Variants in NTRK3 observed in about 807,000 individuals in gnomAD.
NTRK3 encodes neurotrophic receptor tyrosine kinase 3.
Under a neutral mutation model 91.7 loss-of-function variants are expected in NTRK3, and 24 were observed. The ratio of observed to expected loss-of-function variants is 0.26; its 90% CI spans 0.19 to 0.37. The LOEUF (loss-of-function observed/expected upper bound fraction) is 0.37, where lower values mean the gene tolerates loss of function less well. NTRK3 is among the 10% of genes least tolerant of loss of function. The probability of loss-of-function intolerance (pLI) is 1.00; values close to 1 mark genes in which losing one functional copy is unlikely to be tolerated. For synonymous variants in NTRK3, 483 were observed against 404.0 expected, an observed-to-expected ratio of 1.20 and a Z score of -2.34; for missense variants, 880 against 1,068.9, an observed-to-expected ratio of 0.82 and a Z score of 2.46.
intron 13 of NTRK3, among the ~76,000 whole-genome samples, chr15:88,037,566 G>A (rs1181192131): frequency 6.6e-6 from 1 of 151,172 alleles, no homozygotes; most frequent in Non-Finnish European, 1.5e-5. Context: ...CCTCTCAAAA[G>A]AAAGAAAGAA....
chr15:87,910,014 G>A (rs2066993884), intron 17 of NTRK3, among the ~76,000 whole-genome samples: 1 of 152,318 alleles, frequency 6.6e-6, no homozygotes. Context: ...AGGGCCTCAT[G>A]CAAAGGTGGA....
intron 16 of NTRK3, 61 bp from the exon 17 acceptor site, chr15:87,929,495 C>T (rs2141918356): frequency 3.1e-6 from 5 of 1,595,372 alleles, no homozygotes; most frequent in South Asian, 1.1e-5. Context: ...AGGAGAAAGG[C>T]CTTCCTGGGT....
Position 88,240,775 on chromosome 15 carries a change from C to T in NTRK3, c.248+15131G>A, listed in dbSNP as rs532478022. Among the ~76,000 whole-genome samples, 14 of 152,334 alleles carry T rather than the reference C, an allele frequency of 9.2e-5. No homozygotes were observed. Among genetic ancestry groups the T allele is most frequent in the Admixed American group, 6.5e-4 (10 of 15,310 alleles). ...TAAAATAAAAGTCCCCTTAAAGGAG[C>T]CCCCAGAGCAGTCATCACACAGCAT... On this transcript the variant is annotated intron_variant, in intron 3 of 18. Coordinates refer to ENST00000394480, the Ensembl canonical transcript of NTRK3. This position sits in a 1 kb window ranked among gnomAD's most constrained non-coding sequence, Gnocchi z 4.9.
At chr15:88,239,948 G>A (rs2052168739) in intron 3 of NTRK3, among the ~76,000 whole-genome samples, 2 of 152,082 alleles carry the variant, frequency 1.3e-5, no homozygotes, top group South Asian at 4.2e-4. Flanking sequence ...GGGCCCAGCG[G>A]TCGGTGTTTT....
In NTRK3 at chr15:88,136,166, G is replaced by A. The variant is rs1372347807; in HGVS notation, c.766-126C>T. 55 of 1,248,014 alleles carry A rather than the reference G, an allele frequency of 4.4e-5. 1 individual carries two copies. Among genetic ancestry groups the A allele is most frequent in the Non-Finnish European group, 6.3e-5 (54 of 863,164 alleles). The allele number at this position is 1,248,014 out of a possible 1,614,324, so 77.3% of individuals were successfully genotyped here. ...CGGAAGGCGAAGGAGATCTTTGTGT[G>A]AAAGCACACTGGCCAAATGCCAGGC... is the stretch of plus-strand genomic sequence containing the variant. On this transcript the variant is annotated intron_variant, in intron 8 of 18. Coordinates refer to ENST00000394480, the Ensembl canonical transcript of NTRK3.
chr15:88,145,495 T>C (rs544948031), intron 6 of NTRK3, among the ~76,000 whole-genome samples: 4 of 152,302 alleles, frequency 2.6e-5, no homozygotes, highest in South Asian at 4.2e-4. Context: ...CACTGGTGTA[T>C]TGATCCCAGG....
rs115264428 is a variant in NTRK3, at chr15:88,203,537, G to A, written c.249-19238C>T. On this transcript the variant is annotated intron_variant, in intron 3 of 18. Transcript: ENST00000394480. Reference sequence around the variant, plus strand: ...AATGAAAGGCACCAAGAGGTTGAGCGACCTTCTCAAACCTCACACGGCTAA... The same window carrying A: ...AATGAAAGGCACCAAGAGGTTGAGCAACCTTCTCAAACCTCACACGGCTAA... Among the ~76,000 whole-genome samples the A allele has an allele frequency of 2.3e-3, 346 of 152,266 alleles. 2 individuals carry two copies. Among genetic ancestry groups the A allele is most frequent in the African/African-American group, 8.1e-3 (336 of 41,542 alleles).
chr15:88,094,076 C>T (rs1302010856), intron 13 of NTRK3, among the ~76,000 whole-genome samples: 1 of 152,128 alleles, frequency 6.6e-6, no homozygotes, highest in Non-Finnish European at 1.5e-5. Flanking sequence ...CCCAAGCACA[C>T]TGTGTGGCTC....
At chr15:87,927,800 C>T (rs2068450634) in intron 17 of NTRK3, 1 of 152,178 alleles carries the variant, frequency 6.6e-6, no homozygotes, top group South Asian at 2.1e-4. Context: ...TCCCATCCTC[C>T]AGAACCATGA....
chr15:87,888,475 A>G (rs2065673950), intron 17 of NTRK3, among the ~76,000 whole-genome samples: 4 of 152,336 alleles, frequency 2.6e-5, no homozygotes, highest in Admixed American at 2.6e-4. Flanking sequence ...GAGAGCATCA[A>G]GTGCCTATTC....
intron 13 of NTRK3, among the ~76,000 whole-genome samples, chr15:88,059,699 G>A (rs1280475241): frequency 6.6e-6 from 1 of 152,080 alleles, no homozygotes; most frequent in Non-Finnish European, 1.5e-5. Context: ...GGGATAAAGA[G>A]GACACTAGGT....
chr15:88,135,523 G>C, intron 9 of NTRK3, 126 bp from the exon 10 acceptor site: 2 of 1,079,780 alleles, frequency 1.9e-6, no homozygotes, highest in South Asian at 2.7e-5. Context: ...GAGGGAAGCA[G>C]AAGTCCCACC....
At chr15:88,216,989 T>C (rs1375454843) in intron 3 of NTRK3, among the ~76,000 whole-genome samples, 2 of 152,170 alleles carry the variant, frequency 1.3e-5, no homozygotes, top group African/African-American at 4.8e-5. Context: ...TTCAAAAAAA[T>C]GACTCTTATG....
intron 14 of NTRK3, among the ~76,000 whole-genome samples, chr15:88,025,364 AGTT>A (rs1213982581): frequency 6.6e-6 from 1 of 152,228 alleles, no homozygotes; most frequent in Non-Finnish European, 1.5e-5. Flanking sequence ...GAAGCAATGA[AGTT>A]GTCTGTTACA....
At chr15:87,958,077 T>A (rs2071860592) in intron 14 of NTRK3, among the ~76,000 whole-genome samples, 1 of 152,148 alleles carries the variant, frequency 6.6e-6, no homozygotes, top group African/African-American at 2.4e-5. Context: ...TGATTCATCA[T>A]AAACTTCCCA....
chr15:88,132,585 A>C (rs550035350), intron 10 of NTRK3, among the ~76,000 whole-genome samples: 67 of 152,292 alleles, frequency 4.4e-4, no homozygotes, highest in Non-Finnish European at 9.1e-4. Context: ...CCTGGAAGCA[A>C]AAGAGAAACA....
intron 3 of NTRK3, among the ~76,000 whole-genome samples, chr15:88,210,665 T>TC (rs1462872979): frequency 1.3e-5 from 2 of 152,214 alleles, no homozygotes; most frequent in Non-Finnish European, 2.9e-5. Flanking sequence ...ATTTAGAAAT[T>TC]CCTCTAAGTT....
At chr15:87,919,117 C>CA (rs11402002) in intron 17 of NTRK3, among the ~76,000 whole-genome samples, 85,225 of 152,048 alleles carry the variant, frequency 0.56, 25,446 homozygotes, top group African/African-American at 0.78. Flanking sequence ...AAAAGCCTCA[C>CA]ACAGTGTAGA....
chr15:88,059,326 A>G (rs111318857), intron 13 of NTRK3, among the ~76,000 whole-genome samples: 12 of 152,322 alleles, frequency 7.9e-5, no homozygotes, highest in African/African-American at 2.9e-4. Context: ...GGGAGACAAG[A>G]GTCCAGAACA....
Sources: allele counts gnomAD v4.1 joint callset (sites outside exome capture counted in the v4.1 genomes callset), GRCh38; gene constraint gnomAD v4.1.1; non-coding constraint Gnocchi (gnomAD v3.1); transcripts MANE v1.5; gene names NCBI Gene and HGNC (gene_info 2026-07-23, HGNC 2026-07-21).